The following FBXO34 variants were observed in gnomAD, a reference collection of about 807,000 sequenced individuals.
FBXO34 encodes the protein F-box protein 34, also known as F-box only protein 34.
FBXO34 carries 12 observed loss-of-function variants against 24.5 expected under a neutral mutation model. The observed-to-expected ratio is 0.49, with a 90% confidence interval of 0.31 to 0.79. The LOEUF is 0.79. FBXO34 is among the 30% of genes least tolerant of loss of function. FBXO34 has a pLI of 0.04. For synonymous variants in FBXO34, 320 were observed against 311.9 expected (o/e 1.03, Z -0.27); for missense variants, 823 against 857.7 (o/e 0.96, Z 0.51).
downstream of FBXO34, among the ~76,000 whole-genome samples, chr14:55,370,529 T>C (rs1884790202): frequency 6.6e-6 from 1 of 152,110 alleles, no homozygotes; most frequent in African/African-American, 2.4e-5. Context: ...TTCTCAAAGG[T>C]CCCTAATAAC....
chr14:55,322,823 T>C (rs1279012590), intron 1 of FBXO34, among the ~76,000 whole-genome samples: 2 of 151,922 alleles, frequency 1.3e-5, no homozygotes, highest in East Asian at 1.9e-4. Flanking sequence ...TCTACCATAT[T>C]TGACAGTGTT....
At chr14:55,439,088 C>T in the FBXO34 span, among the ~76,000 whole-genome samples, 1,936 of 151,858 alleles carry the variant, frequency 0.013, 48 homozygotes, top group African/African-American at 0.044. Flanking sequence ...CAGGCTCCTG[C>T]CACCACGCCC....
chr14:55,385,936 C>T, the FBXO34 span: 2 of 1,614,124 alleles, frequency 1.2e-6, no homozygotes, highest in Non-Finnish European at 1.7e-6. Flanking sequence ...GAAGATTTGC[C>T]AGACGCTCAT....
At chr14:55,428,960 C>T in the FBXO34 span, 8 of 1,614,038 alleles carry the variant, frequency 5.0e-6, no homozygotes, top group South Asian at 4.4e-5. Flanking sequence ...TGCTGCAAGT[C>T]GAGACTGCTC....
intron 1 of FBXO34, among the ~76,000 whole-genome samples, chr14:55,303,063 T>C (rs1882417757): frequency 6.6e-6 from 1 of 152,236 alleles, no homozygotes; most frequent in Non-Finnish European, 1.5e-5. Flanking sequence ...ATAGTTTCTC[T>C]TTCTGGAATA....
At chr14:55,284,078 A>T (rs768409708) in intron 1 of FBXO34, among the ~76,000 whole-genome samples, 4 of 152,028 alleles carry the variant, frequency 2.6e-5, no homozygotes, top group Non-Finnish European at 5.9e-5. Context: ...AGCTTACTGC[A>T]GCCTCAGACT....
downstream of FBXO34, among the ~76,000 whole-genome samples, chr14:55,372,531 C>T (rs1054089663): frequency 6.6e-6 from 1 of 151,746 alleles, no homozygotes; most frequent in South Asian, 2.1e-4. Flanking sequence ...CCACAGCTCA[C>T]TCCTCCCTTC....
intron 1 of FBXO34, among the ~76,000 whole-genome samples, chr14:55,297,691 A>G (rs1024182629): frequency 1.3e-5 from 2 of 152,198 alleles, no homozygotes; most frequent in Admixed American, 6.5e-5. Flanking sequence ...GCTAAAATGT[A>G]TATCTATGTG....
chr14:55,347,634 TC>T (rs1294457238), intron 1 of FBXO34, among the ~76,000 whole-genome samples: 1 of 152,186 alleles, frequency 6.6e-6, no homozygotes, highest in Non-Finnish European at 1.5e-5. Context: ...TCACGTCTGT[TC>T]CCTGGGATCA....
At chr14:55,287,368 T>C (rs899470943) in intron 1 of FBXO34, among the ~76,000 whole-genome samples, 3 of 152,196 alleles carry the variant, frequency 2.0e-5, no homozygotes, top group African/African-American at 7.2e-5. Context: ...ACCATCACAC[T>C]CAACTGAATT....
the FBXO34 span, chr14:55,411,580 A>G: frequency 5.0e-6 from 8 of 1,589,488 alleles, no homozygotes; most frequent in Non-Finnish European, 6.8e-6. Context: ...AAGAAACAAT[A>G]GGGCCGTGGC....
At chr14:55,313,312 G>T (rs1454017410) in intron 1 of FBXO34, among the ~76,000 whole-genome samples, 1 of 152,068 alleles carries the variant, frequency 6.6e-6, no homozygotes, top group Non-Finnish European at 1.5e-5. Flanking sequence ...CCTCATCCTG[G>T]ACTTCATTGA....
At chr14:55,413,705 C>T in the FBXO34 span, 2 of 299,678 alleles carry the variant, frequency 6.7e-6, no homozygotes, top group East Asian at 8.5e-5. Flanking sequence ...TACCTTCACG[C>T]GTTTCAGGAA....
chr14:55,393,193 A>G, the FBXO34 span, among the ~76,000 whole-genome samples: 2 of 151,228 alleles, frequency 1.3e-5, no homozygotes, highest in African/African-American at 4.8e-5. Flanking sequence ...CATCCTGGCT[A>G]ACACGGTGAA....
intron 1 of FBXO34, among the ~76,000 whole-genome samples, chr14:55,296,071 T>C (rs532005409): frequency 1.3e-5 from 2 of 152,312 alleles, no homozygotes; most frequent in Admixed American, 6.5e-5. Flanking sequence ...GGAGGATCTT[T>C]TCATGCCTGT....
intron 1 of FBXO34, among the ~76,000 whole-genome samples, chr14:55,277,800 G>C (rs1007418100): frequency 1.3e-5 from 2 of 152,166 alleles, no homozygotes; most frequent in African/African-American, 2.4e-5. Context: ...GTTAACTCTT[G>C]TTGGGTTTCT....
At chr14:55,429,660 G>A in the FBXO34 span, among the ~76,000 whole-genome samples, 1 of 151,340 alleles carries the variant, frequency 6.6e-6, no homozygotes, top group African/African-American at 2.4e-5. Context: ...CAGCTACTCA[G>A]GAGGCTGAGG....
intron 1 of FBXO34, among the ~76,000 whole-genome samples, chr14:55,301,698 T>C (rs1300356454): frequency 6.6e-6 from 1 of 152,186 alleles, no homozygotes; most frequent in Non-Finnish European, 1.5e-5. Context: ...TAGAAAGTTT[T>C]AGGTACAAGG....
chr14:55,275,461 GT>G (rs1269919134), intron 1 of FBXO34, among the ~76,000 whole-genome samples: 1 of 152,102 alleles, frequency 6.6e-6, no homozygotes, highest in Non-Finnish European at 1.5e-5. Context: ...CTTAACCTTT[GT>G]TTTAACATTG....
Sources: gnomAD v4.1 joint callset for allele counts (sites outside exome capture counted in the v4.1 genomes callset) on GRCh38, gnomAD v4.1.1 for gene constraint, MANE v1.5 for transcripts, NCBI Gene and HGNC (gene_info 2026-07-23, HGNC 2026-07-21) for gene names.